The following PITPNM3 variants were observed in gnomAD, a reference collection of about 807,000 sequenced individuals.
PITPNM3 encodes the protein PITPNM family member 3.
A neutral mutation model predicts 102.0 loss-of-function variants in PITPNM3; 26 were observed. The ratio of observed to expected loss-of-function variants is 0.25; its 90% CI spans 0.19 to 0.35. The LOEUF (loss-of-function observed/expected upper bound fraction) is 0.35. PITPNM3 is among the 10% of genes least tolerant of loss of function. The pLI, the probability that PITPNM3 is intolerant of heterozygous loss-of-function variation, is 1.00. For missense variants in PITPNM3, 1,083 were observed against 1,346.1 expected (o/e 0.80, Z 3.06); for synonymous variants, 578 against 558.6 (o/e 1.03, Z -0.49).
At chr17:6,533,185 C>T (rs1000304506) in intron 2 of PITPNM3, among the ~76,000 whole-genome samples, 2 of 152,106 alleles carry the variant, frequency 1.3e-5, no homozygotes, top group African/African-American at 4.8e-5. Flanking sequence ...TGGTCTCGAA[C>T]TCCTGACCTC....
intron 6 of PITPNM3, chr17:6,481,094 C>T (rs907728655): frequency 3.3e-5 from 5 of 152,350 alleles, no homozygotes; most frequent in African/African-American, 1.2e-4. Flanking sequence ...AGCCCACTCT[C>T]CACCTGCAGA....
intron 10 of PITPNM3, among the ~76,000 whole-genome samples, chr17:6,473,976 CAAAAAA>C (rs56728914): frequency 0.35 from 33,422 of 96,618 alleles, 4,773 homozygotes; most frequent in Middle Eastern, 0.46. Flanking sequence ...GACTCCATCT[CAAAAAA>C]AAAAAAAAAA....
rs1597356795 is a variant in PITPNM3 at position 6,455,614 on chromosome 17, C to G, written c.2649G>C (p.Leu883=). 1 of 1,574,136 alleles carries G rather than the reference C, an allele frequency of 6.4e-7. No homozygotes were observed. Residue 883 remains leucine (L), a synonymous_variant, in exon 20 of 20, where the codon CTG becomes CTC. Transcript: ENST00000262483. The part of the protein sequence containing the change: ...QFLSEGYAAH[L]AALEASHRSR... ...AGCGGTGGCTGGCCTCCAGCGCGGC[C>G]AGGTGTGCGGCGTAGCCCTCGCTCA...
At chr17:6,460,863 A>G (rs1225979129) in intron 18 of PITPNM3, 4 of 241,836 alleles carry the variant, frequency 1.7e-5, no homozygotes, top group Non-Finnish European at 3.3e-5. Flanking sequence ...AGTAGGTCTA[A>G]GAGGGTGGCA....
In PITPNM3 at chr17:6,483,768, GT is replaced by G; in HGVS notation, c.352-17del. 6.2e-7 allele frequency: 1 copy of G among 1,608,130 alleles called. No individual in the cohort carries two copies. The highest frequency in any genetic ancestry group is 8.5e-7 in the Non-Finnish European group (1 of 1,179,282). ...GGCAGCCTTCCTGAGAGCCAAGGCG[GT>G]TGGAATACAGAGAGAGAGGCGGCTG... On this transcript the variant is annotated splice_polypyrimidine_tract_variant and intron_variant, in intron 5 of 19. Transcript: ENST00000262483.
At chr17:6,551,483 C>T (rs941592078) in intron 1 of PITPNM3, among the ~76,000 whole-genome samples, 2 of 152,156 alleles carry the variant, frequency 1.3e-5, no homozygotes, top group African/African-American at 4.8e-5. Context: ...GGATGCAATG[C>T]CCGTCCCAAG....
chr17:6,556,335 C>T lies in PITPNM3; in HGVS notation c.22+50G>A. ...GCCGGCGGCCCCTCCTCTAGACGCG[C>T]GAGTCCCTCCCCCGGGCCCCGGCCC... On this transcript the variant is annotated intron_variant, in intron 1 of 19. Transcript: ENST00000262483. This position sits in a 1 kb window ranked among gnomAD's most constrained non-coding sequence, Gnocchi z 5.2. 1 of 1,389,140 alleles carries T rather than the reference C, an allele frequency of 7.2e-7. No homozygotes were observed. Among genetic ancestry groups the T allele is most frequent in the East Asian group, 3.2e-5 (1 of 31,500 alleles). 86.1% of individuals were successfully genotyped at this position (1,389,140 alleles called of 1,614,324 possible).
At chr17:6,501,152 T>A (rs1907144413) in intron 4 of PITPNM3, among the ~76,000 whole-genome samples, 1 of 152,194 alleles carries the variant, frequency 6.6e-6, no homozygotes. Flanking sequence ...AAGCCCCATG[T>A]CGGGTGGCTG....
intron 2 of PITPNM3, among the ~76,000 whole-genome samples, chr17:6,531,031 T>C (rs1303683016): frequency 6.6e-6 from 1 of 152,146 alleles, no homozygotes; most frequent in African/African-American, 2.4e-5. Context: ...TCCTGCCAAT[T>C]AAAGGCACTC....
intron 4 of PITPNM3, among the ~76,000 whole-genome samples, chr17:6,494,978 C>A (rs1906716483): frequency 6.6e-6 from 1 of 151,904 alleles, no homozygotes; most frequent in South Asian, 2.1e-4. Flanking sequence ...GCTAAGGAGA[C>A]AATCATGATC....
rs73975608 is a variant in PITPNM3 at position 6,542,049 on chromosome 17, G to A, written c.23-3967C>T. ...GCTCTGCGGAAGAGATCAGGGCGGGGGACCTCAGTCTCCTCCTCTCTCCAT... is the reference window on the plus strand; with the variant it reads ...GCTCTGCGGAAGAGATCAGGGCGGGAGACCTCAGTCTCCTCCTCTCTCCAT... On this transcript the variant is annotated intron_variant, in intron 1 of 19. Coordinates refer to ENST00000262483, the MANE Select transcript of PITPNM3 (RefSeq NM_031220.4). 1.2e-3 allele frequency among the ~76,000 whole-genome samples: 178 copies of A among 152,284 alleles called. 1 individual carries two copies. Among genetic ancestry groups the A allele is most frequent in the African/African-American group, 4.2e-3 (175 of 41,548 alleles).
chr17:6,498,147 G>A (rs760237703), intron 4 of PITPNM3, among the ~76,000 whole-genome samples: 18 of 152,224 alleles, frequency 1.2e-4, no homozygotes, highest in Non-Finnish European at 1.9e-4. Flanking sequence ...GATTCAGCAC[G>A]TGTGAGCCCA....
In PITPNM3 at chr17:6,517,445, G is replaced by A. The variant is rs1908249433; in HGVS notation, c.226+7911C>T. ...AAATGGCCAGGGGCCATGGGAGCTG[G>A]GGAGTTAGGAAGAGAAGGAAGAAAA... On this transcript the variant is annotated intron_variant, in intron 3 of 19. Coordinates refer to ENST00000262483, the MANE Select transcript of PITPNM3 (RefSeq NM_031220.4). The surrounding 1 kb of genome is among the most constrained non-coding windows in gnomAD (Gnocchi z 4.1). Among the ~76,000 whole-genome samples, 1 of 152,238 alleles carries A rather than the reference G, an allele frequency of 6.6e-6. No homozygotes were observed. The highest frequency in any genetic ancestry group is 1.5e-5 in the Non-Finnish European group (1 of 68,048).
intron 3 of PITPNM3, among the ~76,000 whole-genome samples, chr17:6,511,250 C>T (rs1428966841): frequency 1.3e-5 from 2 of 152,184 alleles, no homozygotes; most frequent in South Asian, 2.1e-4. Flanking sequence ...TTGCCAATTT[C>T]GTGGCAGAAT....
Position 6,463,857 on chromosome 17 carries a change from G to A in PITPNM3, c.2181C>T (p.Ser727=). The part of the protein sequence containing the change: ...VVRGDQTCAM[S]YLTVLPRGME... ...TGCCCCTGGGCAACACCGTGAGGTA[G>A]CTCATGGCACAGGTCTGGTCGCCCC... The change falls in exon 17 of 20, where the codon AGC becomes AGT. Residue 727 remains serine (S), a synonymous_variant. Transcript: ENST00000262483. 1 of 1,614,104 alleles carries A rather than the reference G, an allele frequency of 6.2e-7. No individual in the cohort carries two copies. The highest frequency in any genetic ancestry group is 8.5e-7 in the Non-Finnish European group (1 of 1,180,012).
chr17:6,514,947 C>T (rs899228011), intron 3 of PITPNM3, among the ~76,000 whole-genome samples: 4 of 152,102 alleles, frequency 2.6e-5, no homozygotes, highest in South Asian at 2.1e-4. Flanking sequence ...TATGCTACAA[C>T]GTGGATGAAT....
At chr17:6,498,029 C>T (rs1597385569) in intron 4 of PITPNM3, among the ~76,000 whole-genome samples, 1 of 152,144 alleles carries the variant, frequency 6.6e-6, no homozygotes, top group East Asian at 1.9e-4. Context: ...TGGATGGGGG[C>T]GTGGGCAGAG....
rs1171589223 is a variant in PITPNM3 at position 6,459,107 on chromosome 17, T to C, written c.2491-1385A>G. ...CTTCTCATTCACCTGAGCTCACTCC[T>C]ATAACTTGGATCCTCCAGCTCTGGC... On this transcript the variant is annotated intron_variant, in intron 18 of 19. Transcript: ENST00000262483. The surrounding 1 kb of genome is among the most constrained non-coding windows in gnomAD (Gnocchi z 5.0). Among the ~76,000 whole-genome samples the C allele has an allele frequency of 6.6e-6, 1 of 152,164 alleles. No homozygotes were observed. The highest frequency in any genetic ancestry group is 1.5e-5 in the Non-Finnish European group (1 of 68,022).
At chr17:6,538,834 G>A (rs991382144) in intron 1 of PITPNM3, among the ~76,000 whole-genome samples, 1 of 152,174 alleles carries the variant, frequency 6.6e-6, no homozygotes. Context: ...ATGGGGCGGG[G>A]GGTGGACATC....
Sources: allele counts gnomAD v4.1 joint callset (sites outside exome capture counted in the v4.1 genomes callset), GRCh38; gene constraint gnomAD v4.1.1; non-coding constraint Gnocchi (gnomAD v3.1); transcripts MANE v1.5; gene names NCBI Gene and HGNC (gene_info 2026-07-23, HGNC 2026-07-21).